Variants in NRG1 observed in about 807,000 individuals in gnomAD.
NRG1 encodes the protein pro-neuregulin-1, membrane-bound isoform.
Under a neutral mutation model 63.8 loss-of-function variants are expected in NRG1, and 18 were observed. The ratio of observed to expected loss-of-function variants is 0.28; its 90% CI spans 0.19 to 0.42. The LOEUF is 0.42. Ranked by LOEUF, NRG1 falls within the 10% of genes least tolerant of loss-of-function variation. NRG1 has a pLI of 1.00. For missense variants in NRG1, 762 were observed against 814.7 expected, an observed-to-expected ratio of 0.94 and a Z score of 0.79; for synonymous variants, 302 against 301.3, an observed-to-expected ratio of 1.00 and a Z score of -0.02.
chr8:32,467,982 C>T (rs1002338081), intron 1 of NRG1, among the ~76,000 whole-genome samples: 1 of 152,162 alleles, frequency 6.6e-6, no homozygotes, highest in African/African-American at 2.4e-5. Flanking sequence ...AACACAGAAG[C>T]CTCCAGGAAG....
chr8:32,067,247 G>A (rs1824993689), intron 1 of NRG1, among the ~76,000 whole-genome samples: 1 of 152,120 alleles, frequency 6.6e-6, no homozygotes, highest in Non-Finnish European at 1.5e-5. Context: ...TGGTGAGAGA[G>A]GGCATCCCTG....
intron 1 of NRG1, among the ~76,000 whole-genome samples, chr8:31,705,311 G>T (rs1811044558): frequency 6.6e-6 from 1 of 152,102 alleles, no homozygotes; most frequent in African/African-American, 2.4e-5. Context: ...CTCCCAAAGT[G>T]CTGGGATTAC....
At chr8:32,415,219 C>G (rs1421245988) in intron 1 of NRG1, among the ~76,000 whole-genome samples, 1 of 151,838 alleles carries the variant, frequency 6.6e-6, no homozygotes, top group Non-Finnish European at 1.5e-5. Context: ...AACAGCCTGG[C>G]CAACATGATG....
intron 1 of NRG1, among the ~76,000 whole-genome samples, chr8:31,674,460 A>T (rs1807472755): frequency 1.3e-5 from 2 of 152,162 alleles, no homozygotes; most frequent in Admixed American, 1.3e-4. Flanking sequence ...TCACCTAGTC[A>T]GTGAGTTACC....
chr8:32,090,569 C>T (rs147596161), intron 1 of NRG1, among the ~76,000 whole-genome samples: 2,848 of 152,294 alleles, frequency 0.019, 41 homozygotes, highest in Non-Finnish European at 0.029. Flanking sequence ...GTTCTGCCGG[C>T]CTCAGCCTCC....
chr8:32,143,620 G>A (rs908165248), intron 1 of NRG1, among the ~76,000 whole-genome samples: 3 of 152,208 alleles, frequency 2.0e-5, no homozygotes, highest in Non-Finnish European at 4.4e-5. Context: ...ACTTCTCTGG[G>A]ATCAACATAA....
intron 1 of NRG1, among the ~76,000 whole-genome samples, chr8:32,120,716 G>A (rs1189029629): frequency 2.0e-5 from 3 of 152,000 alleles, no homozygotes; most frequent in Non-Finnish European, 2.9e-5. Flanking sequence ...TTAACCTCCT[G>A]CTGTATTACC....
At chr8:32,669,578 G>A (rs767429378) in intron 5 of NRG1, among the ~76,000 whole-genome samples, 6 of 152,176 alleles carry the variant, frequency 3.9e-5, no homozygotes, top group African/African-American at 1.4e-4. Context: ...CTGGCGTTTG[G>A]AGTTCAGCAA....
intron 1 of NRG1, among the ~76,000 whole-genome samples, chr8:31,655,289 G>T (rs1205676454): frequency 6.6e-6 from 1 of 152,178 alleles, no homozygotes; most frequent in South Asian, 2.1e-4. Context: ...ATAGGCAAAA[G>T]GGTTACACAA....
intron 1 of NRG1, among the ~76,000 whole-genome samples, chr8:32,342,128 T>C (rs1488154296): frequency 1.3e-5 from 2 of 152,226 alleles, no homozygotes; most frequent in South Asian, 4.1e-4. Context: ...TTTGAGTTTA[T>C]GTTTATGTGT....
At chr8:32,481,767 C>T (rs1563523985) in intron 1 of NRG1, among the ~76,000 whole-genome samples, 1 of 152,146 alleles carries the variant, frequency 6.6e-6, no homozygotes, top group East Asian at 1.9e-4. Context: ...TGTGGACTTT[C>T]CGAAGGTGCT....
intron 1 of NRG1, among the ~76,000 whole-genome samples, chr8:32,536,005 C>T (rs556904560): frequency 1.3e-5 from 2 of 152,328 alleles, no homozygotes; most frequent in Non-Finnish European, 2.9e-5. Flanking sequence ...TGAGACACTA[C>T]ATCAATTAAA....
At chr8:31,763,535 A>G (rs1352444606) in intron 1 of NRG1, among the ~76,000 whole-genome samples, 1 of 152,236 alleles carries the variant, frequency 6.6e-6, no homozygotes, top group African/African-American at 2.4e-5. Flanking sequence ...AAATACAGGG[A>G]AAAATGTTGT....
intron 1 of NRG1, among the ~76,000 whole-genome samples, chr8:31,913,995 A>G (rs1022021595): frequency 3.3e-5 from 5 of 152,212 alleles, no homozygotes; most frequent in African/African-American, 7.2e-5. Flanking sequence ...GCAGTACATC[A>G]TAGCAACCCA....
chr8:32,166,187 T>C (rs1166693476), intron 1 of NRG1, among the ~76,000 whole-genome samples: 1 of 152,182 alleles, frequency 6.6e-6, no homozygotes, highest in African/African-American at 2.4e-5. Context: ...GCTATACCCT[T>C]GTGCTACTTA....
intron 1 of NRG1, among the ~76,000 whole-genome samples, chr8:31,642,080 G>A (rs1215774564): frequency 6.6e-6 from 1 of 152,188 alleles, no homozygotes; most frequent in African/African-American, 2.4e-5. Context: ...TGTTCAGAGA[G>A]TGGTGCTGAA....
At chr8:32,399,206 T>C (rs545611041) in intron 1 of NRG1, among the ~76,000 whole-genome samples, 6 of 152,314 alleles carry the variant, frequency 3.9e-5, no homozygotes, top group South Asian at 2.1e-4. Context: ...ATGAAACACA[T>C]TGAGGGGGAT....
At chr8:32,415,356 ACT>A (rs1356811965) in intron 1 of NRG1, among the ~76,000 whole-genome samples, 1 of 130,058 alleles carries the variant, frequency 7.7e-6, no homozygotes, top group Non-Finnish European at 1.6e-5. Context: ...TCAGAGCAAG[ACT>A]CTGTCTCAAA....
chr8:32,204,565 G>A (rs540866275), intron 1 of NRG1, among the ~76,000 whole-genome samples: 13 of 152,214 alleles, frequency 8.5e-5, no homozygotes, highest in African/African-American at 3.1e-4. Flanking sequence ...TGCAAAGTGG[G>A]GATAGTAGTA....
Sources: allele counts gnomAD v4.1 joint callset (sites outside exome capture counted in the v4.1 genomes callset), GRCh38; gene constraint gnomAD v4.1.1; transcripts MANE v1.5; gene names NCBI Gene and HGNC (gene_info 2026-07-23, HGNC 2026-07-21).